SLC22A3: variants seen among roughly 807,000 people sequenced by gnomAD.
SLC22A3 encodes the protein solute carrier family 22 member 3.
A neutral mutation model predicts 59.1 loss-of-function variants in SLC22A3; 51 were observed. That is an observed-to-expected ratio of 0.86 (90% CI 0.69 to 1.09). The LOEUF is 1.09. Ranked by LOEUF, SLC22A3 falls within the 50% of genes least tolerant of loss-of-function variation. SLC22A3 has a pLI of 0.00. For missense variants in SLC22A3, 711 were observed against 726.3 expected, an observed-to-expected ratio of 0.98 and a Z score of 0.24; for synonymous variants, 325 against 292.0, an observed-to-expected ratio of 1.11 and a Z score of -1.15.
intron 1 of SLC22A3, among the ~76,000 whole-genome samples, chr6:160,374,496 A>G (rs1031555947): frequency 1.3e-5 from 2 of 152,230 alleles, no homozygotes; most frequent in Admixed American, 6.5e-5. Context: ...ATGAATGAAT[A>G]AATGAATGAA....
intron 2 of SLC22A3, among the ~76,000 whole-genome samples, chr6:160,399,005 T>A (rs1786640704): frequency 6.6e-6 from 1 of 152,242 alleles, no homozygotes; most frequent in Non-Finnish European, 1.5e-5. Flanking sequence ...CAGCAATTAA[T>A]TAGCTAATAG....
intron 1 of SLC22A3, among the ~76,000 whole-genome samples, chr6:160,352,913 C>T (rs576168946): frequency 2.6e-5 from 4 of 152,192 alleles, no homozygotes; most frequent in South Asian, 4.1e-4. Flanking sequence ...CCTTGCCCCC[C>T]GGGTTCAAGC....
intron 2 of SLC22A3, among the ~76,000 whole-genome samples, chr6:160,401,885 T>G (rs1185566975): frequency 1.3e-5 from 2 of 151,708 alleles, no homozygotes; most frequent in African/African-American, 4.8e-5. Context: ...ACTGATATGC[T>G]AAAATGAAGA....
At chr6:160,375,975 C>A (rs1003730172) in intron 1 of SLC22A3, among the ~76,000 whole-genome samples, 2 of 152,010 alleles carry the variant, frequency 1.3e-5, no homozygotes, top group African/African-American at 4.8e-5. Context: ...ATCATGTCTA[C>A]CTCACAGTAT....
chr6:160,348,459 T>C lies in SLC22A3; in HGVS notation c.40T>C (p.Phe14Leu). ...FDEALQRVGE[F>L]GRFQRRVFLL... is the part of the protein sequence containing the mutation. The stretch of plus-strand genomic sequence containing the variant: ...CGAGGCGCTGCAGCGGGTGGGCGAG[T>C]TCGGGCGCTTCCAGAGGCGCGTGTT... The change falls in exon 1 of 11, where the codon TTC becomes CTC. Residue 14 changes from phenylalanine (F) to leucine (L), a missense_variant. Phe to Leu is a conservative substitution (Grantham distance 22). Transcript: ENST00000275300. The C allele has an allele frequency of 6.5e-7, 1 of 1,534,366 alleles. No individual in the cohort carries two copies.
intron 5 of SLC22A3, among the ~76,000 whole-genome samples, chr6:160,414,767 C>A (rs1241199143): frequency 6.6e-6 from 1 of 152,174 alleles, no homozygotes; most frequent in Non-Finnish European, 1.5e-5. Flanking sequence ...TAACCATCCC[C>A]ATGATTCAAT....
rs1331666816 is a variant in SLC22A3, at chr6:160,348,415, G to T, written c.-5G>T. The T allele has an allele frequency of 1.4e-6, 2 of 1,453,798 alleles. No individual in the cohort carries two copies. The highest frequency in any genetic ancestry group is 1.8e-6 in the Non-Finnish European group (2 of 1,108,708). The allele number at this position is 1,453,798 out of a possible 1,614,324, so 90.1% of individuals were successfully genotyped here. Reference sequence around the variant, plus strand: ...GGGCTGCGGGCGGCGGGCGGCGGGCGCACCATGCCCTCCTTCGACGAGGCG... The same window carrying T: ...GGGCTGCGGGCGGCGGGCGGCGGGCTCACCATGCCCTCCTTCGACGAGGCG... On this transcript the variant is annotated 5_prime_UTR_variant, in exon 1 of 11. Transcript: ENST00000275300.
intron 1 of SLC22A3, among the ~76,000 whole-genome samples, chr6:160,389,783 A>T (rs1786176169): frequency 6.6e-6 from 1 of 152,190 alleles, no homozygotes; most frequent in African/African-American, 2.4e-5. Context: ...TTATGGCTGC[A>T]GGGCTGAGAG....
intron 1 of SLC22A3, among the ~76,000 whole-genome samples, chr6:160,361,979 C>A (rs1430836296): frequency 2.0e-5 from 3 of 152,144 alleles, no homozygotes; most frequent in Non-Finnish European, 4.4e-5. Context: ...TTAAAGTAAC[C>A]TGTGGCATGT....
Position 160,451,036 on chromosome 6 carries a change from G to GGTCATGTGTC in SLC22A3, c.1651_1652insGTCATGTGTC (p.Val551GlyfsTer52). ...ATGTGGCAGGAATAAGAAAACCCCAGTTTCCCGCTCTCACCTTTGAGGCCC... is the reference window on the plus strand; with the variant it reads ...ATGTGGCAGGAATAAGAAAACCCCAGGTCATGTGTCTTTCCCGCTCTCACCTTTGAGGCCC... On this transcript the variant is annotated frameshift_variant, in exon 11 of 11. Transcript: ENST00000275300. LOFTEE classifies it high-confidence loss of function. 1.9e-6 allele frequency: 3 copies of GGTCATGTGTC among 1,595,186 alleles called. No individual in the cohort carries two copies. The South Asian group carries it at 3.4e-5, about 18-fold the overall frequency.
At chr6:160,373,669 A>C (rs1314651900) in intron 1 of SLC22A3, among the ~76,000 whole-genome samples, 1 of 152,138 alleles carries the variant, frequency 6.6e-6, no homozygotes, top group Admixed American at 6.5e-5. Context: ...TAAGCCCCTG[A>C]CTGGGGCTTC....
At chr6:160,406,254 T>C (rs1184599409) in intron 2 of SLC22A3, among the ~76,000 whole-genome samples, 1 of 152,172 alleles carries the variant, frequency 6.6e-6, no homozygotes, top group Non-Finnish European at 1.5e-5. Context: ...TCAAGCAAGA[T>C]GCTATATGTA....
intron 1 of SLC22A3, among the ~76,000 whole-genome samples, chr6:160,364,453 G>A (rs1785134279): frequency 1.3e-5 from 2 of 152,194 alleles, no homozygotes; most frequent in Admixed American, 6.5e-5. Context: ...GACAATAACT[G>A]CAGTCATATT....
intron 8 of SLC22A3, 46 bp downstream of exon 8, chr6:160,442,915 C>A (rs1788603555): frequency 1.4e-6 from 2 of 1,426,872 alleles, no homozygotes; most frequent in East Asian, 2.3e-5. Context: ...ACTCTGTAGA[C>A]CAGCGTTTTA....
At chr6:160,401,494 C>A (rs1562485672) in intron 2 of SLC22A3, among the ~76,000 whole-genome samples, 2 of 151,506 alleles carry the variant, frequency 1.3e-5, no homozygotes, top group Admixed American at 1.3e-4. Flanking sequence ...CTTTGTTAGA[C>A]AAAAATTGAG....
intron 2 of SLC22A3, among the ~76,000 whole-genome samples, chr6:160,402,083 CAG>C (rs2114841947): frequency 1.3e-5 from 2 of 152,006 alleles, no homozygotes; most frequent in Admixed American, 6.6e-5. Flanking sequence ...AACTAAAAGA[CAG>C]AGATTTTCAC....
intron 1 of SLC22A3, among the ~76,000 whole-genome samples, chr6:160,365,799 G>A (rs1002495891): frequency 6.6e-5 from 10 of 152,128 alleles, no homozygotes; most frequent in African/African-American, 2.2e-4. Flanking sequence ...TTGACTCACA[G>A]TACAGAATGT....
At chr6:160,368,967 C>G (rs189555045) in intron 1 of SLC22A3, among the ~76,000 whole-genome samples, 12 of 152,310 alleles carry the variant, frequency 7.9e-5, no homozygotes, top group Admixed American at 7.8e-4. Context: ...GCTTCTGATT[C>G]ACCCATACTT....
At chr6:160,442,157 A>G (rs1015132993) in intron 7 of SLC22A3, among the ~76,000 whole-genome samples, 1 of 152,232 alleles carries the variant, frequency 6.6e-6, no homozygotes, top group Non-Finnish European at 1.5e-5. Context: ...TGGTTTATTG[A>G]AGGAAGTAGT....
Sources: allele counts gnomAD v4.1 joint callset (sites outside exome capture counted in the v4.1 genomes callset), GRCh38; gene constraint gnomAD v4.1.1; transcripts MANE v1.5; gene names NCBI Gene and HGNC (gene_info 2026-07-23, HGNC 2026-07-21).